The following ESRRB variants were observed in gnomAD, a reference collection of about 807,000 sequenced individuals.
ESRRB encodes estrogen related receptor beta.
Under a neutral mutation model 46.0 loss-of-function variants are expected in ESRRB, and 16 were observed. The observed-to-expected ratio is 0.35, with a 90% CI of 0.24 to 0.53. ESRRB has a LOEUF of 0.53. Among genes scored for constraint, ESRRB ranks in the 20% least tolerant of loss-of-function variants. The probability of loss-of-function intolerance (pLI) is 0.93; values close to 1 mark genes in which losing one functional copy is unlikely to be tolerated. For synonymous variants in ESRRB, 246 were observed against 259.6 expected (o/e 0.95, Z 0.50); for missense variants, 488 against 607.4 (o/e 0.80, Z 2.07).
At chr14:76,370,742 G>T (rs954182265), upstream of ESRRB, among the ~76,000 whole-genome samples, 2 of 152,080 alleles carry the variant, frequency 1.3e-5, no homozygotes, top group African/African-American at 4.8e-5. Flanking sequence ...TCTCCTGGTA[G>T]TTGGTAGGAA....
chr14:76,471,913 A>C (rs1237836524), intron 3 of ESRRB, among the ~76,000 whole-genome samples: 1 of 152,226 alleles, frequency 6.6e-6, no homozygotes, highest in Non-Finnish European at 1.5e-5. Context: ...TCAGCAGGTA[A>C]GAGTGCCATG....
chr14:76,492,424 C>T (rs1890267696), intron 6 of ESRRB, among the ~76,000 whole-genome samples: 1 of 152,240 alleles, frequency 6.6e-6, no homozygotes, highest in Non-Finnish European at 1.5e-5. Flanking sequence ...ACCTCAGCCT[C>T]CCAAAGTGTT....
chr14:76,477,597 T>C (rs1889632252), intron 3 of ESRRB, among the ~76,000 whole-genome samples: 1 of 151,936 alleles, frequency 6.6e-6, no homozygotes, highest in African/African-American at 2.4e-5. Flanking sequence ...GAGATGGGCA[T>C]GGGACCTTCA....
At position 76,411,341 on chromosome 14, in the gene ESRRB, G is replaced by A. The variant is rs181161298; in HGVS notation, c.51-28000G>A. Among the ~76,000 whole-genome samples the A allele has an allele frequency of 7.2e-5, 11 of 152,070 alleles. No individual in the cohort carries two copies. In the South Asian group the frequency reaches 8.3e-4, roughly 12 times the overall value. The stretch of plus-strand genomic sequence containing the variant: ...CGGGCACCTGTAATCCCAGCTACTC[G>A]GGAGGCCGAGGCAGGAGAATCACTT... On this transcript the variant is annotated intron_variant, in intron 1 of 6. Coordinates refer to ENST00000644823, the MANE Select transcript of ESRRB (RefSeq NM_001379180.1).
chr14:76,335,349 C>G (rs1404941233), intron 1 of ESRRB, among the ~76,000 whole-genome samples: 1 of 152,192 alleles, frequency 6.6e-6, no homozygotes, highest in Non-Finnish European at 1.5e-5. Context: ...CTGTGTCTGG[C>G]TGGCTCAGTC....
chr14:76,365,090 G>T lies in ESRRB; in HGVS notation c.2+54174G>T, dbSNP rs376374028. Among the ~76,000 whole-genome samples, 203 of 152,308 alleles carry T rather than the reference G, an allele frequency of 1.3e-3. 1 individual carries two copies. The highest frequency in any genetic ancestry group is 4.6e-3 in the African/African-American group (192 of 41,582). On this transcript the variant is annotated intron_variant, in intron 1 of 6. Transcript: ENST00000512784. Reference sequence around the variant, plus strand: ...AATTACATCTCATAGTTCGGGATTTGTTTCATTGTTCTCAATTTTAAATGC... The same window carrying T: ...AATTACATCTCATAGTTCGGGATTTTTTTCATTGTTCTCAATTTTAAATGC...
chr14:76,325,089 C>T (rs1203504313), intron 1 of ESRRB, among the ~76,000 whole-genome samples: 2 of 151,600 alleles, frequency 1.3e-5, no homozygotes, highest in South Asian at 4.2e-4. Flanking sequence ...CTCAGCCTCC[C>T]GAGTAGCTGG....
At chr14:76,348,688 C>G (rs760312069) in intron 1 of ESRRB, among the ~76,000 whole-genome samples, 1 of 152,174 alleles carries the variant, frequency 6.6e-6, no homozygotes, top group Non-Finnish European at 1.5e-5. Context: ...GCTGAGGGAT[C>G]ATATTTTATT....
rs542299222 is a variant in ESRRB, at chr14:76,431,587, T to C, written c.51-7754T>C. Among the ~76,000 whole-genome samples, 18 of 152,094 alleles carry C rather than the reference T, an allele frequency of 1.2e-4. No homozygotes were observed. In the South Asian group the frequency reaches 3.5e-3, roughly 30 times the overall value. ...CTACTGAGAAGGCCCAGGGCAGAGA[T>C]GAGTTGGGGCACGAGGGAGGCCACG... On this transcript the variant is annotated intron_variant, in intron 1 of 6. Transcript: ENST00000644823.
intron 3 of ESRRB, 36 bp from the exon 4 acceptor site, chr14:76,481,980 C>A: frequency 6.3e-7 from 1 of 1,587,770 alleles, no homozygotes; most frequent in Non-Finnish European, 8.6e-7. Context: ...TGATGTTGAA[C>A]AACTGCTGAG....
intron 1 of ESRRB, among the ~76,000 whole-genome samples, chr14:76,428,204 G>A (rs1225775646): frequency 1.3e-5 from 2 of 152,054 alleles, no homozygotes; most frequent in Admixed American, 1.3e-4. Flanking sequence ...CTCCATGTTG[G>A]TCAGGCTGGT....
chr14:76,469,277 T>C (rs2140005320), intron 3 of ESRRB, among the ~76,000 whole-genome samples: 1 of 152,198 alleles, frequency 6.6e-6, no homozygotes, highest in Middle Eastern at 3.4e-3. Context: ...GTATTTTTAG[T>C]AGAGACAGGG....
chr14:76,372,188 G>T (rs543635968), upstream of ESRRB, among the ~76,000 whole-genome samples: 1 of 152,196 alleles, frequency 6.6e-6, no homozygotes, highest in South Asian at 2.1e-4. Flanking sequence ...CGGGTGGTTA[G>T]TGGGAACCTG....
At chr14:76,442,342 G>GGCCA (rs1887954381) in intron 2 of ESRRB, among the ~76,000 whole-genome samples, 2 of 152,146 alleles carry the variant, frequency 1.3e-5, no homozygotes, top group Non-Finnish European at 2.9e-5. Context: ...CAGGCATGGT[G>GGCCA]GCAGGTGCCT....
chr14:76,418,204 C>T (rs1285732035), intron 1 of ESRRB, among the ~76,000 whole-genome samples: 1 of 152,134 alleles, frequency 6.6e-6, no homozygotes, highest in African/African-American at 2.4e-5. Context: ...ATCCACCCAC[C>T]TCAACCTCCC....
At chr14:76,346,906 G>A (rs1442273032) in intron 1 of ESRRB, among the ~76,000 whole-genome samples, 1 of 152,178 alleles carries the variant, frequency 6.6e-6, no homozygotes, top group Non-Finnish European at 1.5e-5. Flanking sequence ...CATGAATCAA[G>A]CCCCACTGTC....
intron 5 of ESRRB, among the ~76,000 whole-genome samples, chr14:76,484,154 C>T (rs1192860842): frequency 6.6e-6 from 1 of 152,216 alleles, no homozygotes; most frequent in Non-Finnish European, 1.5e-5. Context: ...CCATGTCTGG[C>T]CCAAGGCCCA....
rs190147013 is a variant in ESRRB, at chr14:76,494,079, C to T, written c.1120+2363C>T. On this transcript the variant is annotated intron_variant, in intron 6 of 6. Coordinates refer to ENST00000644823, the MANE Select transcript of ESRRB (RefSeq NM_001379180.1). ...CCCCCCGTAAATGTCTGTACCTAAACCCTTGCCTCAGGCTCTGCTCCCAGG... is the reference window on the plus strand; with the variant it reads ...CCCCCCGTAAATGTCTGTACCTAAATCCTTGCCTCAGGCTCTGCTCCCAGG... Among the ~76,000 whole-genome samples, 6 of 152,322 alleles carry T rather than the reference C, an allele frequency of 3.9e-5. No homozygotes were observed. In the East Asian group the frequency reaches 9.7e-4, roughly 25 times the overall value.
intron 3 of ESRRB, among the ~76,000 whole-genome samples, chr14:76,468,363 C>T (rs1000799433): frequency 1.3e-5 from 2 of 151,696 alleles, no homozygotes; most frequent in African/African-American, 4.8e-5. Flanking sequence ...GCATCCCTTT[C>T]GAGCCACTTT....
Sources: allele counts gnomAD v4.1 joint callset (sites outside exome capture counted in the v4.1 genomes callset), GRCh38; gene constraint gnomAD v4.1.1; transcripts MANE v1.5; gene names NCBI Gene and HGNC (gene_info 2026-07-23, HGNC 2026-07-21).